Variants in DSE observed in about 807,000 individuals in gnomAD.
DSE encodes dermatan-sulfate epimerase.
In DSE, 36 loss-of-function variants were observed where a neutral mutation model predicts 84.4. That is an observed-to-expected ratio of 0.43 (90% CI 0.33 to 0.56). The LOEUF (loss-of-function observed/expected upper bound fraction) is 0.56. DSE is among the 20% of genes least tolerant of loss of function. The probability of loss-of-function intolerance (pLI) is 0.06; values close to 1 mark genes in which losing one functional copy is unlikely to be tolerated. For synonymous variants in DSE, 410 were observed against 430.1 expected (o/e 0.95, Z 0.58); for missense variants, 862 against 1,169.6 (o/e 0.74, Z 3.84).
At chr6:116,290,939 C>T (rs779760534) in intron 2 of DSE, among the ~76,000 whole-genome samples, 4 of 152,184 alleles carry the variant, frequency 2.6e-5, no homozygotes, top group Admixed American at 6.5e-5. Context: ...TCTAAGTTTG[C>T]TCAATTTTCT....
rs779729464 is a variant in DSE, at chr6:116,435,761, C to G, written c.1293C>G (p.Val431=). The G allele has an allele frequency of 6.2e-7, 1 of 1,613,998 alleles. No homozygotes were observed. The highest frequency in any genetic ancestry group is 8.5e-7 in the Non-Finnish European group (1 of 1,180,000). The change falls in exon 6 of 6, where the codon GTC becomes GTG. Residue 431 remains valine, a synonymous_variant. Transcript: ENST00000644252. The part of the protein sequence containing the change: ...KLGGRAIYDI[V]HRNKYKDWIK... ...GGGGACGTGCAATATATGACATTGTCCACAGAAACAAATACAAAGATTGGA... is the reference window on the plus strand; with the variant it reads ...GGGGACGTGCAATATATGACATTGTGCACAGAAACAAATACAAAGATTGGA...
Position 116,436,235 on chromosome 6 carries a change from T to C in DSE, c.1767T>C (p.Asn589=). 11 of 1,614,074 alleles carry C rather than the reference T, an allele frequency of 6.8e-6. No individual in the cohort carries two copies. Among genetic ancestry groups the C allele is most frequent in the Non-Finnish European group, 9.3e-6 (11 of 1,180,008 alleles). ...PLETAASFFH[N]VDVPFEETVV... ...AGACAGCAGCGAGCTTCTTCCATAA[T>C]GTGGATGTTCCTTTTGAGGAGACTG... is the stretch of plus-strand genomic sequence containing the variant. Residue 589 remains asparagine, a synonymous_variant, in exon 6 of 6, where the codon AAT becomes AAC. Coordinates refer to ENST00000644252, the MANE Select transcript of DSE (RefSeq NM_013352.4).
chr6:116,400,572 G>T (rs1038731415), intron 2 of DSE: 1 of 152,132 alleles, frequency 6.6e-6, no homozygotes, highest in African/African-American at 2.4e-5. Context: ...GAAGGATGGT[G>T]GTTTGCAAGC....
At chr6:116,290,042 G>A (rs1774180306) in intron 2 of DSE, among the ~76,000 whole-genome samples, 1 of 152,016 alleles carries the variant, frequency 6.6e-6, no homozygotes, top group Admixed American at 6.6e-5. Flanking sequence ...TACATAGGTA[G>A]TATTCACCCT....
chr6:116,344,632 A>AGCTCCTGAAGGAG (rs1249031130), intron 2 of DSE, among the ~76,000 whole-genome samples: 1 of 152,220 alleles, frequency 6.6e-6, no homozygotes, highest in African/African-American at 2.4e-5. Context: ...TCCTGAAGGA[A>AGCTCCTGAAGGAG]GCACTAACCA....
intron 2 of DSE, among the ~76,000 whole-genome samples, chr6:116,351,676 G>A (rs1778319064): frequency 6.6e-6 from 1 of 152,176 alleles, no homozygotes; most frequent in East Asian, 1.9e-4. Flanking sequence ...ATCTTGGATA[G>A]TTTTTCATGA....
At chr6:116,338,008 C>T (rs1299723318) in intron 2 of DSE, among the ~76,000 whole-genome samples, 1 of 152,000 alleles carries the variant, frequency 6.6e-6, no homozygotes, top group Admixed American at 6.6e-5. Flanking sequence ...AAGAAATTTG[C>T]AGTTACCTTG....
chr6:116,283,391 C>CT, intron 2 of DSE, among the ~76,000 whole-genome samples: 1 of 152,198 alleles, frequency 6.6e-6, no homozygotes. Flanking sequence ...TGCTTCTCCT[C>CT]TTAGGGACTA....
At position 116,399,523 on chromosome 6, in the gene DSE, C is replaced by G. The variant is rs1781468710; in HGVS notation, c.273C>G (p.Pro91=). Residue 91 remains proline (P), a synonymous_variant, in exon 2 of 6, where the codon CCC becomes CCG. Transcript: ENST00000644252. ...SPLEYLPPWD[P]KDYSARWNEI... is the part of the protein sequence containing the mutation. The stretch of plus-strand genomic sequence containing the variant: ...TGGAATACCTCCCTCCCTGGGATCC[C>G]AAGGACTACAGTGCCCGCTGGAATG... 3 of 1,614,082 alleles carry G rather than the reference C, an allele frequency of 1.9e-6. No homozygotes were observed. In the African/African-American group the frequency reaches 4.0e-5, roughly 22 times the overall value.
chr6:116,259,132 G>T, intron 2 of DSE: 1 of 1,261,484 alleles, frequency 7.9e-7, no homozygotes. Context: ...AACACAGCCT[G>T]AGTGTCTCTG....
At chr6:116,408,149 A>C (rs1782056573) in intron 2 of DSE, among the ~76,000 whole-genome samples, 1 of 152,216 alleles carries the variant, frequency 6.6e-6, no homozygotes, top group South Asian at 2.1e-4. Flanking sequence ...TGCAGTCATA[A>C]CTGGGTTGCC....
At chr6:116,407,197 A>G (rs1277862583) in intron 2 of DSE, among the ~76,000 whole-genome samples, 3 of 152,292 alleles carry the variant, frequency 2.0e-5, no homozygotes, top group Non-Finnish European at 2.9e-5. Flanking sequence ...TGCATTTTTA[A>G]CAAGTCCTCT....
chr6:116,314,723 T>G (rs1317291779), intron 2 of DSE, among the ~76,000 whole-genome samples: 1 of 152,212 alleles, frequency 6.6e-6, no homozygotes, highest in Non-Finnish European at 1.5e-5. Flanking sequence ...TATAGTTTCT[T>G]TTACATTTTT....
intron 2 of DSE, among the ~76,000 whole-genome samples, chr6:116,326,807 G>A (rs1347640399): frequency 6.6e-6 from 1 of 152,166 alleles, no homozygotes; most frequent in Admixed American, 6.5e-5. Context: ...GCAAAATGAA[G>A]CAGAAAAATT....
chr6:116,286,299 G>A (rs1195149369), intron 2 of DSE, among the ~76,000 whole-genome samples: 2 of 152,024 alleles, frequency 1.3e-5, no homozygotes, highest in Admixed American at 1.3e-4. Flanking sequence ...AATGGAAGGT[G>A]AACTCACTTT....
At chr6:116,374,476 A>G (rs1488216813) in intron 1 of DSE, among the ~76,000 whole-genome samples, 3 of 152,228 alleles carry the variant, frequency 2.0e-5, no homozygotes, top group African/African-American at 7.2e-5. Context: ...GAAGAGATTT[A>G]GTGACATAAC....
chr6:116,391,624 G>C (rs1338030391), intron 1 of DSE, among the ~76,000 whole-genome samples: 21 of 151,936 alleles, frequency 1.4e-4, no homozygotes. Flanking sequence ...AAATTAGCTG[G>C]GCGTGGTGGC....
chr6:116,278,585 T>C (rs1165866526), intron 2 of DSE: 3 of 1,614,204 alleles, frequency 1.9e-6, no homozygotes, highest in Non-Finnish European at 1.7e-6. Context: ...CGTCGGGCTC[T>C]ACGGACTCCT....
At chr6:116,433,039 T>C (rs1783942203) in intron 4 of DSE, 2 of 332,772 alleles carry the variant, frequency 6.0e-6, no homozygotes, top group Middle Eastern at 9.6e-4. Context: ...TATGCAAATA[T>C]AATCACGTAT....
Sources: gnomAD v4.1 joint callset for allele counts (sites outside exome capture counted in the v4.1 genomes callset) on GRCh38, gnomAD v4.1.1 for gene constraint, MANE v1.5 for transcripts, NCBI Gene and HGNC (gene_info 2026-07-23, HGNC 2026-07-21) for gene names.